The following ERBB4 variants were observed in gnomAD, a reference collection of about 807,000 sequenced individuals.
ERBB4 encodes erb-b2 receptor tyrosine kinase 4, also known as receptor tyrosine-protein kinase erbB-4.
In ERBB4, 42 loss-of-function variants were observed where a neutral mutation model predicts 158.0. The observed-to-expected ratio is 0.27, with a 90% CI of 0.21 to 0.34. The LOEUF (loss-of-function observed/expected upper bound fraction) is 0.34, where lower values mean the gene tolerates loss of function less well. Ranked by LOEUF, ERBB4 falls within the 10% of genes least tolerant of loss-of-function variation. The pLI is 1.00. For synonymous variants in ERBB4, 583 were observed against 558.7 expected (o/e 1.04, Z -0.61); for missense variants, 1,333 against 1,624.1 (o/e 0.82, Z 3.08).
At chr2:211,387,909 A>T (rs1196016215) in intron 26 of ERBB4, 36 bp downstream of exon 26, 1 of 1,537,182 alleles carries the variant, frequency 6.5e-7, no homozygotes. Context: ...AAGACCGAAA[A>T]TCCTAAAAGA....
In ERBB4 at chr2:211,780,130, G is replaced by A. The variant is rs1575137910; in HGVS notation, c.556+7895C>T. ...TAATCTTAGCACTTTGTGAGGCTGTGGCGGGAGGATAACTTGTGCCCAGAA... is the reference window on the plus strand; with the variant it reads ...TAATCTTAGCACTTTGTGAGGCTGTAGCGGGAGGATAACTTGTGCCCAGAA... On this transcript the variant is annotated intron_variant, in intron 4 of 27. Coordinates refer to ENST00000342788, the MANE Select transcript of ERBB4 (RefSeq NM_005235.3). 2.6e-5 allele frequency among the ~76,000 whole-genome samples: 4 copies of A among 152,288 alleles called. No individual in the cohort carries two copies. In the East Asian group the frequency reaches 7.7e-4, roughly 29 times the overall value.
intron 1 of ERBB4, among the ~76,000 whole-genome samples, chr2:212,290,862 A>T (rs2086181393): frequency 6.6e-6 from 1 of 152,128 alleles, no homozygotes; most frequent in Non-Finnish European, 1.5e-5. Context: ...AGGAGAAAAA[A>T]AAATGTCTAT....
At position 211,767,713 on chromosome 2, in the gene ERBB4, C is replaced by T. The variant is rs374364758; in HGVS notation, c.557-17009G>A. 2.6e-5 allele frequency among the ~76,000 whole-genome samples: 4 copies of T among 152,116 alleles called. No homozygotes were observed. In the South Asian group the frequency reaches 8.3e-4, roughly 31 times the overall value. On this transcript the variant is annotated intron_variant, in intron 4 of 27. Transcript: ENST00000342788. ...GATCTTGTAAGAACTCACTCACTAT[C>T]ACCACAGCAGCATGAGGGTAACAGC... is the stretch of plus-strand genomic sequence containing the variant.
intron 1 of ERBB4, among the ~76,000 whole-genome samples, chr2:212,327,134 C>T (rs1410178365): frequency 3.3e-5 from 5 of 150,522 alleles, no homozygotes; most frequent in Non-Finnish European, 6.0e-5. Context: ...TGAGTTCATA[C>T]GTGTGAAGTA....
Position 211,921,977 on chromosome 2 carries a change from G to A in ERBB4, c.421+25453C>T, listed in dbSNP as rs192855295. ...ACCTGTTATTTCCAGCAGCATGAGG[G>A]AATAATATCAATGCCTTGACATTTA... On this transcript the variant is annotated intron_variant, in intron 3 of 27. Coordinates refer to ENST00000342788, the MANE Select transcript of ERBB4 (RefSeq NM_005235.3). Among the ~76,000 whole-genome samples the A allele has an allele frequency of 5.3e-4, 81 of 152,126 alleles. 1 individual carries two copies. The East Asian group carries it at 0.011, about 21-fold the overall frequency.
chr2:212,123,087 A>C (rs2125566099), intron 2 of ERBB4, among the ~76,000 whole-genome samples: 1 of 152,288 alleles, frequency 6.6e-6, no homozygotes, highest in South Asian at 2.1e-4. Context: ...CCCTTCTTTG[A>C]ACAACAGCTC....
intron 1 of ERBB4, among the ~76,000 whole-genome samples, chr2:212,446,127 T>C (rs546946491): frequency 7.4e-4 from 112 of 152,256 alleles, no homozygotes; most frequent in African/African-American, 2.5e-3. Flanking sequence ...ATTATGACCT[T>C]ATTGTCTTTA....
intron 12 of ERBB4, among the ~76,000 whole-genome samples, chr2:211,686,360 A>G (rs2072563564): frequency 6.6e-6 from 1 of 152,152 alleles, no homozygotes; most frequent in African/African-American, 2.4e-5. Context: ...AATTGACATG[A>G]TAATGAATTT....
At chr2:212,451,334 GA>G (rs2092442994) in intron 1 of ERBB4, among the ~76,000 whole-genome samples, 1 of 152,134 alleles carries the variant, frequency 6.6e-6, no homozygotes, top group Non-Finnish European at 1.5e-5. Flanking sequence ...CATAATGTTG[GA>G]AAAATCATAA....
At position 211,381,504 on chromosome 2, in the gene ERBB4, G is replaced by C. The variant is rs2062573255; in HGVS notation, c.*2111C>G. The C allele has an allele frequency of 4.3e-6, 1 of 231,702 alleles. No homozygotes were observed. Among genetic ancestry groups the C allele is most frequent in the Non-Finnish European group, 8.5e-6 (1 of 117,146 alleles). 14.4% of individuals were successfully genotyped at this position (231,702 alleles called of 1,614,324 possible). A position where few individuals can be genotyped will look rare whatever the true frequency, so the allele number is the denominator to read the frequency against. On this transcript the variant is annotated 3_prime_UTR_variant, in exon 28 of 28. Coordinates refer to ENST00000342788, the MANE Select transcript of ERBB4 (RefSeq NM_005235.3). ...TTATATGACAGCTATTCACAAAAGA[G>C]ACTATGCAATCTGATTGTTGGAACG...
Position 211,662,066 on chromosome 2 carries a change from A to G in ERBB4, c.1871+3257T>C, listed in dbSNP as rs1471668114. Among the ~76,000 whole-genome samples the G allele has an allele frequency of 7.3e-4, 102 of 139,712 alleles. 3 individuals are homozygous for G. Among genetic ancestry groups the G allele is most frequent in the African/African-American group, 2.6e-3 (98 of 37,320 alleles). The allele number at this position is 139,712 out of a possible 152,430, so 91.7% of individuals were successfully genotyped here. On this transcript the variant is annotated intron_variant, in intron 15 of 27. Transcript: ENST00000342788. Reference sequence around the variant, plus strand: ...AAAAAAAAAAAAAAAAAAAAAAAAAAAAAAAAAAAAAAAAAAGATTAAGGT... The same window carrying G: ...AAAAAAAAAAAAAAAAAAAAAAAAAGAAAAAAAAAAAAAAAAGATTAAGGT...
At chr2:212,094,842 G>A (rs940728022) in intron 2 of ERBB4, among the ~76,000 whole-genome samples, 2 of 151,978 alleles carry the variant, frequency 1.3e-5, no homozygotes, top group Non-Finnish European at 2.9e-5. Flanking sequence ...AAATTCTCGA[G>A]GTTAGTGAAA....
chr2:211,433,101 G>A (rs1574480779), intron 20 of ERBB4, among the ~76,000 whole-genome samples: 2 of 152,258 alleles, frequency 1.3e-5, no homozygotes, highest in East Asian at 3.9e-4. Context: ...GTACCATGGC[G>A]TACTTGCACC....
At chr2:211,988,251 C>T (rs1381030099) in intron 2 of ERBB4, among the ~76,000 whole-genome samples, 2 of 152,100 alleles carry the variant, frequency 1.3e-5, no homozygotes, top group East Asian at 1.9e-4. Flanking sequence ...AGAGTGAGTT[C>T]CAAATAACAA....
intron 2 of ERBB4, among the ~76,000 whole-genome samples, chr2:212,050,053 T>C (rs977568447): frequency 6.6e-6 from 1 of 152,034 alleles, no homozygotes; most frequent in African/African-American, 2.4e-5. Context: ...GGGTTACCTT[T>C]TGAAAAAAAA....
chr2:212,418,413 T>C (rs969553116), intron 1 of ERBB4, among the ~76,000 whole-genome samples: 1 of 151,800 alleles, frequency 6.6e-6, no homozygotes, highest in Non-Finnish European at 1.5e-5. Context: ...TAAGGAGTAT[T>C]GCTTAGAGTA....
At chr2:212,021,640 A>G (rs1272567301) in intron 2 of ERBB4, among the ~76,000 whole-genome samples, 4 of 152,138 alleles carry the variant, frequency 2.6e-5, no homozygotes, top group African/African-American at 4.8e-5. Context: ...TCTGGGCAAT[A>G]CCATTCAGGA....
At chr2:211,392,267 T>C (rs2062813341) in intron 25 of ERBB4, among the ~76,000 whole-genome samples, 1 of 152,180 alleles carries the variant, frequency 6.6e-6, no homozygotes, top group Admixed American at 6.5e-5. Context: ...GTTGTAACTC[T>C]GCATCTTTCT....
intron 20 of ERBB4, among the ~76,000 whole-genome samples, chr2:211,481,473 C>A (rs2065080835): frequency 6.6e-6 from 1 of 151,352 alleles, no homozygotes; most frequent in African/African-American, 2.4e-5. Context: ...AACTGAAGTT[C>A]AGGGAGCTGA....
Sources: allele counts gnomAD v4.1 joint callset (sites outside exome capture counted in the v4.1 genomes callset), GRCh38; gene constraint gnomAD v4.1.1; transcripts MANE v1.5; gene names NCBI Gene and HGNC (gene_info 2026-07-23, HGNC 2026-07-21).